KCNIP3: variants seen among roughly 807,000 people sequenced by gnomAD.
KCNIP3 encodes calsenilin.
Under a neutral mutation model 35.0 loss-of-function variants are expected in KCNIP3, and 28 were observed. That is an observed-to-expected ratio of 0.80 (90% CI 0.59 to 1.10). The LOEUF is 1.10. KCNIP3 is among the 50% of genes least tolerant of loss of function. KCNIP3 has a pLI of 0.00. For synonymous variants in KCNIP3, 134 were observed against 133.8 expected, an observed-to-expected ratio of 1.00 and a Z score of -0.01; for missense variants, 295 against 338.4, an observed-to-expected ratio of 0.87 and a Z score of 1.01.
chr2:95,299,645 C>T (rs1677970520), intron 1 of KCNIP3, among the ~76,000 whole-genome samples: 1 of 152,256 alleles, frequency 6.6e-6, no homozygotes, highest in African/African-American at 2.4e-5. Context: ...GTTTCTGCGA[C>T]AGGCGCTGCT....
intron 2 of KCNIP3, among the ~76,000 whole-genome samples, chr2:95,352,909 G>T (rs1452532075): frequency 1.3e-5 from 2 of 152,214 alleles, no homozygotes; most frequent in Non-Finnish European, 2.9e-5. Flanking sequence ...TGGTCACCCT[G>T]CAGGAGGCCT....
intron 1 of KCNIP3, among the ~76,000 whole-genome samples, chr2:95,301,389 A>C (rs1214794082): frequency 6.6e-6 from 1 of 152,228 alleles, no homozygotes; most frequent in African/African-American, 2.4e-5. Context: ...CATGGCCAAG[A>C]GGCATCATGG....
intron 2 of KCNIP3, among the ~76,000 whole-genome samples, chr2:95,358,588 T>C (rs1010072395): frequency 6.6e-6 from 1 of 152,224 alleles, no homozygotes; most frequent in Non-Finnish European, 1.5e-5. Context: ...GAATGGGTAA[T>C]TCTATTGTAC....
At chr2:95,372,187 T>G (rs909441516) in intron 2 of KCNIP3, among the ~76,000 whole-genome samples, 8 of 152,140 alleles carry the variant, frequency 5.3e-5, no homozygotes, top group African/African-American at 1.7e-4. Flanking sequence ...AAAGTCTGCC[T>G]CTTAATCAAA....
At chr2:95,313,915 T>TCACACA (rs564642365) in intron 2 of KCNIP3, 1 of 150,178 alleles carries the variant, frequency 6.7e-6, no homozygotes, top group East Asian at 2.0e-4. Flanking sequence ...CAGCCATTCC[T>TCACACA]CACACACACA....
At chr2:95,318,313 G>T (rs565776353) in intron 2 of KCNIP3, among the ~76,000 whole-genome samples, 7 of 152,148 alleles carry the variant, frequency 4.6e-5, no homozygotes, top group Non-Finnish European at 7.4e-5. Flanking sequence ...TGACTCGACC[G>T]CCCAGGCCCT....
chr2:95,339,227 C>T (rs755846825), intron 2 of KCNIP3, among the ~76,000 whole-genome samples: 6 of 152,186 alleles, frequency 3.9e-5, no homozygotes, highest in African/African-American at 1.2e-4. Flanking sequence ...CAGGTGTCCC[C>T]CCTCCTCCTT....
intron 2 of KCNIP3, among the ~76,000 whole-genome samples, chr2:95,345,076 C>G (rs886818142): frequency 3.3e-5 from 5 of 152,234 alleles, no homozygotes; most frequent in African/African-American, 1.2e-4. Context: ...CACCACATCC[C>G]AATTAACTAG....
In KCNIP3 at chr2:95,377,421, C is replaced by T. The variant is rs768796825; in HGVS notation, c.447+2213C>T. ...AGCCTGCAAGCCCAGCAACCACATG[C>T]GACTCCCACCCCCTCGCTGAGCACC... On this transcript the variant is annotated intron_variant, in intron 5 of 8. Transcript: ENST00000295225. The surrounding 1 kb of genome is among the most constrained non-coding windows in gnomAD (Gnocchi z 4.7). Among the ~76,000 whole-genome samples the T allele has an allele frequency of 4.6e-5, 7 of 152,252 alleles. No homozygotes were observed. Among genetic ancestry groups the T allele is most frequent in the Non-Finnish European group, 7.3e-5 (5 of 68,050 alleles).
At position 95,360,747 on chromosome 2, in the gene KCNIP3, G is replaced by C. The variant is rs555953917; in HGVS notation, c.182-13549G>C. 5.8e-4 allele frequency among the ~76,000 whole-genome samples: 88 copies of C among 152,292 alleles called. 1 individual carries two copies. The highest frequency in any genetic ancestry group is 3.5e-3 in the South Asian group (17 of 4,818). ...GGCGAAGAACAGACAGACAGACAGA[G>C]AGAGAGAGAGCGAGAGACAGAGAGA... On this transcript the variant is annotated intron_variant, in intron 2 of 8. Coordinates refer to ENST00000295225, the MANE Select transcript of KCNIP3 (RefSeq NM_013434.5).
chr2:95,368,053 C>T (rs1474565671), intron 2 of KCNIP3, among the ~76,000 whole-genome samples: 9 of 152,200 alleles, frequency 5.9e-5, no homozygotes, highest in East Asian at 1.9e-4. Flanking sequence ...TGAGCCACCG[C>T]GCCCGGCCTG....
chr2:95,384,204 A>ACACACC lies in KCNIP3; in HGVS notation c.*157_*158insCACCCA. 1 of 656,040 alleles carries ACACACC rather than the reference A, an allele frequency of 1.5e-6. No homozygotes were observed. Among genetic ancestry groups the ACACACC allele is most frequent in the Non-Finnish European group, 2.7e-6 (1 of 366,212 alleles). 40.6% of individuals were successfully genotyped at this position (656,040 alleles called of 1,614,324 possible). On this transcript the variant is annotated 3_prime_UTR_variant, in exon 9 of 9. Coordinates refer to ENST00000295225, the MANE Select transcript of KCNIP3 (RefSeq NM_013434.5). ...CACACACACACACACACACACACAC[A>ACACACC]CAGCCATTCATCTGGGCTGGCAGAG...
At chr2:95,305,092 C>T (rs116375014) in intron 1 of KCNIP3, among the ~76,000 whole-genome samples, 4,350 of 152,272 alleles carry the variant, frequency 0.029, 228 homozygotes, top group African/African-American at 0.099. Context: ...GATCTTCTGG[C>T]TTCACTCGTC....
Position 95,381,721 on chromosome 2 carries a change from G to T in KCNIP3, c.555+18G>T, listed in dbSNP as rs780378724. On this transcript the variant is annotated intron_variant, in intron 6 of 8. Coordinates refer to ENST00000295225, the MANE Select transcript of KCNIP3 (RefSeq NM_013434.5). ...CCAAAGAGGTAGTAGGGGGCTGGGG[G>T]CAGGGATTGTCCCCTCCTCCCCTCC... 3.9e-6 allele frequency: 6 copies of T among 1,532,486 alleles called. No homozygotes were observed. The Admixed American group carries it at 8.4e-5, about 21-fold the overall frequency. 94.9% of individuals were successfully genotyped at this position (1,532,486 alleles called of 1,614,324 possible).
At chr2:95,319,780 C>T (rs575680485) in intron 2 of KCNIP3, among the ~76,000 whole-genome samples, 1 of 152,336 alleles carries the variant, frequency 6.6e-6, no homozygotes, top group East Asian at 1.9e-4. Context: ...GGCTCTTGGG[C>T]TCATGGTGCT....
chr2:95,323,187 A>AT (rs1678639555), intron 2 of KCNIP3, among the ~76,000 whole-genome samples: 1 of 152,164 alleles, frequency 6.6e-6, no homozygotes, highest in South Asian at 2.1e-4. Context: ...GTGCAGAGCC[A>AT]CCTGCCCAGG....
chr2:95,378,787 C>A lies in KCNIP3; in HGVS notation c.448-2809C>A, dbSNP rs1008206425. Among the ~76,000 whole-genome samples, 4 of 151,076 alleles carry A rather than the reference C, an allele frequency of 2.6e-5. No individual in the cohort carries two copies. Among genetic ancestry groups the A allele is most frequent in the African/African-American group, 7.3e-5 (3 of 40,930 alleles). On this transcript the variant is annotated intron_variant, in intron 5 of 8. Transcript: ENST00000295225. The surrounding 1 kb of genome is among the most constrained non-coding windows in gnomAD (Gnocchi z 4.0). ...CAAAATATATATATATATACACACA[C>A]ACACACACATATATATATATACACA...
intron 2 of KCNIP3, among the ~76,000 whole-genome samples, chr2:95,349,789 A>T (rs1187199975): frequency 1.3e-5 from 2 of 152,248 alleles, no homozygotes; most frequent in Non-Finnish European, 2.9e-5. Context: ...GGGATATCAG[A>T]GATGAAGAAG....
chr2:95,337,818 TGTC>T lies in KCNIP3; in HGVS notation c.181+27299_181+27301del, dbSNP rs1376775592. ...CTCATCTTTCACCCAAGCTCTCTGCTGTCCTCATGATGGGCTTTTCTGCTTCTA... is the reference window on the plus strand; with the variant it reads ...CTCATCTTTCACCCAAGCTCTCTGCTCTCATGATGGGCTTTTCTGCTTCTA... On this transcript the variant is annotated intron_variant, in intron 2 of 8. Coordinates refer to ENST00000295225, the MANE Select transcript of KCNIP3 (RefSeq NM_013434.5). 2.0e-5 allele frequency among the ~76,000 whole-genome samples: 3 copies of T among 152,340 alleles called. No individual in the cohort carries two copies. In the East Asian group the frequency reaches 5.8e-4, roughly 29 times the overall value.
Sources: allele counts gnomAD v4.1 joint callset (sites outside exome capture counted in the v4.1 genomes callset), GRCh38; gene constraint gnomAD v4.1.1; non-coding constraint Gnocchi (gnomAD v3.1); transcripts MANE v1.5; gene names NCBI Gene and HGNC (gene_info 2026-07-23, HGNC 2026-07-21).